Variants in RBM25 observed in about 807,000 individuals in gnomAD.
RBM25 encodes RNA-binding protein 25.
Under a neutral mutation model 120.7 loss-of-function variants are expected in RBM25, and 19 were observed. That is an observed-to-expected ratio of 0.16 (90% confidence interval 0.11 to 0.23). RBM25 has a LOEUF of 0.23. RBM25 is among the 10% of genes least tolerant of loss of function. RBM25 has a pLI of 1.00. For synonymous variants in RBM25, 390 were observed against 326.7 expected, an observed-to-expected ratio of 1.19 and a Z score of -2.09; for missense variants, 605 against 1,041.5, an observed-to-expected ratio of 0.58 and a Z score of 5.77.
rs191759493 is a variant in RBM25, at chr14:73,092,565, T to A, written c.544-4350T>A. Among the ~76,000 whole-genome samples, 761 of 151,756 alleles carry A rather than the reference T, an allele frequency of 5.0e-3. 6 individuals carry two copies. The highest frequency in any genetic ancestry group is 7.6e-3 in the Non-Finnish European group (514 of 67,936). On this transcript the variant is annotated intron_variant, in intron 6 of 18. Coordinates refer to ENST00000261973, the MANE Select transcript of RBM25 (RefSeq NM_021239.3). Reference sequence around the variant, plus strand: ...TTTTTCATGATCCAGAATTTTTTTTTAAATTTTCTTGCCTTTTTTTTTTTT... The same window carrying A: ...TTTTTCATGATCCAGAATTTTTTTTAAAATTTTCTTGCCTTTTTTTTTTTT...
intron 1 of RBM25, among the ~76,000 whole-genome samples, chr14:73,067,067 A>T (rs114413120): frequency 0.015 from 1,939 of 131,160 alleles, 45 homozygotes; most frequent in African/African-American, 0.048. Context: ...GATACATATA[A>T]TTTTTTTTTT....
rs1423689659 is a variant in RBM25 at position 73,122,163 on chromosome 14, T to G, written c.*2358T>G. ...TTGCTTGAACTTTGTGGGTTAATTT[T>G]ACCATAATCTCATAAATTAATTTTA... On this transcript the variant is annotated 3_prime_UTR_variant, in exon 19 of 19. Transcript: ENST00000261973. 6.6e-6 allele frequency: 1 copy of G among 152,218 alleles called. No homozygotes were observed. The highest frequency in any genetic ancestry group is 1.5e-5 in the Non-Finnish European group (1 of 68,038). 9.4% of individuals were successfully genotyped at this position (152,218 alleles called of 1,614,324 possible).
Position 73,097,086 on chromosome 14 carries a change from G to A in RBM25, c.715G>A (p.Glu239Lys). ...TTCTCACCCCAGGAAGAAGAAGAAGGAAAAGAAGGAGGACGTATGTGTTCT... is the reference window on the plus strand; with the variant it reads ...TTCTCACCCCAGGAAGAAGAAGAAGAAAAAGAAGGAGGACGTATGTGTTCT... ...SDSHPRKKKK[E>K]KKEDIFRRFP... The change falls in exon 7 of 19, where the codon GAA becomes AAA. Residue 239 changes from glutamate (E) to lysine (K), a missense_variant. By Grantham distance (56) the Glu-to-Lys change is moderately conservative. This residue lies in a region of RBM25 where 465 missense variants were observed against 741.6 expected (regional missense o/e 0.63). Coordinates refer to ENST00000261973, the MANE Select transcript of RBM25 (RefSeq NM_021239.3). The A allele has an allele frequency of 6.2e-7, 1 of 1,608,114 alleles. No homozygotes were observed. Among genetic ancestry groups the A allele is most frequent in the Non-Finnish European group, 8.5e-7 (1 of 1,178,144 alleles).
At chr14:73,086,125 A>G (rs994349947) in intron 5 of RBM25, among the ~76,000 whole-genome samples, 4 of 151,912 alleles carry the variant, frequency 2.6e-5, no homozygotes, top group Non-Finnish European at 5.9e-5. Context: ...TTTGAAGATC[A>G]CGATCTGGAC....
At chr14:73,080,948 C>T (rs994691308) in intron 4 of RBM25, among the ~76,000 whole-genome samples, 1 of 150,248 alleles carries the variant, frequency 6.7e-6, no homozygotes, top group South Asian at 2.1e-4. Context: ...CCTTAGCCTC[C>T]CGAGTAGCTG....
intron 1 of RBM25, among the ~76,000 whole-genome samples, chr14:73,064,124 A>G (rs1361386169): frequency 4.0e-5 from 6 of 151,502 alleles, no homozygotes; most frequent in African/African-American, 1.5e-4. Flanking sequence ...TGTATTTAAA[A>G]TAAACTACTC....
intron 7 of RBM25, among the ~76,000 whole-genome samples, chr14:73,098,549 G>T (rs1477646050): frequency 6.6e-6 from 1 of 152,080 alleles, no homozygotes; most frequent in East Asian, 1.9e-4. Flanking sequence ...TGCCTTTTTA[G>T]GCCATATTCA....
chr14:73,100,201 G>T, intron 9 of RBM25: 1 of 563,068 alleles, frequency 1.8e-6, no homozygotes, highest in Non-Finnish European at 3.2e-6. Context: ...ATTTTAAACA[G>T]TAGGTCAGTG....
At chr14:73,096,268 C>T (rs1055282964) in intron 6 of RBM25, among the ~76,000 whole-genome samples, 8 of 152,088 alleles carry the variant, frequency 5.3e-5, no homozygotes, top group African/African-American at 1.4e-4. Context: ...TGAGCCACTG[C>T]GCCTGGCCAG....
chr14:73,076,077 CT>C (rs1404160975), intron 2 of RBM25, among the ~76,000 whole-genome samples: 2 of 152,198 alleles, frequency 1.3e-5, no homozygotes, highest in African/African-American at 4.8e-5. Flanking sequence ...ATTTTATGCT[CT>C]TTAAGTCAAA....
rs1294833482 is a variant in RBM25 at position 73,121,854 on chromosome 14, A to G, written c.*2049A>G. 2.0e-5 allele frequency: 3 copies of G among 152,228 alleles called. No individual in the cohort carries two copies. Among genetic ancestry groups the G allele is most frequent in the East Asian group, 3.8e-4 (2 of 5,204 alleles). 9.4% of individuals were successfully genotyped at this position (152,228 alleles called of 1,614,324 possible). A position where few individuals can be genotyped will look rare whatever the true frequency, so the allele number is the denominator to read the frequency against. On this transcript the variant is annotated 3_prime_UTR_variant, in exon 19 of 19. Transcript: ENST00000261973. ...TTTGGGGAGATGTACTCTGTACTGC[A>G]TAACATCTCCAGTGAGGTTTGTGAC...
intron 9 of RBM25, chr14:73,101,015 G>A (rs1896044962): frequency 6.6e-6 from 1 of 151,900 alleles, no homozygotes; most frequent in South Asian, 2.1e-4. Context: ...TCATGTTATT[G>A]GTAAATTATG....
At chr14:73,105,122 A>C (rs1052812270) in intron 10 of RBM25, among the ~76,000 whole-genome samples, 3 of 103,674 alleles carry the variant, frequency 2.9e-5, no homozygotes, top group African/African-American at 7.9e-5. Flanking sequence ...GTTTGGTTTT[A>C]TTACTTTTTT....
chr14:73,081,022 ACCAGGTTTG>A (rs1566587200), intron 4 of RBM25, among the ~76,000 whole-genome samples: 2 of 151,702 alleles, frequency 1.3e-5, no homozygotes, highest in Non-Finnish European at 2.9e-5. Flanking sequence ...ACGGGGTTTC[ACCAGGTTTG>A]CCAGGCTGGT....
chr14:73,069,746 T>TAAAAAAAAAAAAAAAAAAAAAAAAAAA (rs57669015), intron 1 of RBM25: 3 of 44,160 alleles, frequency 6.8e-5, no homozygotes, highest in South Asian at 1.2e-3. Context: ...CCCTGTTTCT[T>TAAAAAAAAAAAAAAAAAAAAAAAAAAA]AAAAAAAAAA....
At chr14:73,102,106 T>C (rs969760661) in intron 9 of RBM25, 1 of 152,240 alleles carries the variant, frequency 6.6e-6, no homozygotes, top group Non-Finnish European at 1.5e-5. Flanking sequence ...TAAAGTTGTT[T>C]TAAATGCATT....
chr14:73,075,623 T>C (rs768104926), intron 2 of RBM25, among the ~76,000 whole-genome samples: 3 of 152,190 alleles, frequency 2.0e-5, no homozygotes, highest in Non-Finnish European at 2.9e-5. Context: ...AAATAACATA[T>C]GTTGTGGAAT....
At chr14:73,067,787 A>G (rs1340992591) in intron 1 of RBM25, among the ~76,000 whole-genome samples, 1 of 142,322 alleles carries the variant, frequency 7.0e-6, no homozygotes, top group South Asian at 2.2e-4. Context: ...TTTTTTTTGT[A>G]TTTTTAGTAG....
chr14:73,097,200 T>TTTTTC (rs1895963873), intron 7 of RBM25, 100 bp downstream of exon 7: 2 of 641,702 alleles, frequency 3.1e-6, no homozygotes, highest in South Asian at 4.8e-5. Flanking sequence ...TCTTTTCTTT[T>TTTTTC]TTTTTTTTTT....
Sources: allele counts gnomAD v4.1 joint callset (sites outside exome capture counted in the v4.1 genomes callset), GRCh38; gene constraint gnomAD v4.1.1; regional missense constraint gnomAD v4.1.1; transcripts MANE v1.5; gene names NCBI Gene and HGNC (gene_info 2026-07-23, HGNC 2026-07-21).